The following GFPT1 variants were observed in gnomAD, a reference collection of about 807,000 sequenced individuals.
The protein encoded by GFPT1 is glutamine--fructose-6-phosphate aminotransferase [isomerizing] 1.
A neutral mutation model predicts 92.0 loss-of-function variants in GFPT1; 40 were observed. That is an observed-to-expected ratio of 0.43 (90% confidence interval 0.34 to 0.57). GFPT1 has a LOEUF of 0.57. Ranked by LOEUF, GFPT1 falls within the 20% of genes least tolerant of loss-of-function variation. The probability of loss-of-function intolerance (pLI) is 0.02; values close to 1 mark genes in which losing one functional copy is unlikely to be tolerated. For synonymous variants in GFPT1, 269 were observed against 280.6 expected (o/e 0.96, Z 0.41); for missense variants, 448 against 869.1 (o/e 0.52, Z 6.09).
In GFPT1 at chr2:69,319,885, T is replaced by C. The variant is rs565532016; in HGVS notation, c.*6304A>G. 1.3e-5 allele frequency: 2 copies of C among 152,202 alleles called. No individual in the cohort carries two copies. The highest frequency in any genetic ancestry group is 1.9e-4 in the East Asian group (1 of 5,178). The allele number at this position is 152,202 out of a possible 1,614,324, so 9.4% of individuals were successfully genotyped here. ...AAACAATTCTACATACAAAGTACAA[T>C]AGGAAAAAACCAAAAGCCCCCATAA... is the stretch of plus-strand genomic sequence containing the variant. On this transcript the variant is annotated 3_prime_UTR_variant, in exon 20 of 20. Transcript: ENST00000357308.
chr2:69,363,418 C>G (rs1391434705), intron 4 of GFPT1, 127 bp downstream of exon 4: 4 of 992,232 alleles, frequency 4.0e-6, no homozygotes, highest in Non-Finnish European at 6.2e-6. Context: ...ATGCTCTCTA[C>G]TACTTCTGAA....
rs1275703232 is a variant in GFPT1 at position 69,323,471 on chromosome 2, G to A, written c.*2718C>T. On this transcript the variant is annotated 3_prime_UTR_variant, in exon 20 of 20. Coordinates refer to ENST00000357308, the MANE Select transcript of GFPT1 (RefSeq NM_001244710.2). ...ATCACTACATCAAATGGGATAGAGA[G>A]TAAGAAGACAGGAGAGAGAGGAGAA... The A allele has an allele frequency of 6.6e-6, 1 of 152,108 alleles. No homozygotes were observed. The highest frequency in any genetic ancestry group is 1.5e-5 in the Non-Finnish European group (1 of 68,044). The allele number at this position is 152,108 out of a possible 1,614,324, so 9.4% of individuals were successfully genotyped here.
intron 15 of GFPT1, among the ~76,000 whole-genome samples, chr2:69,333,272 T>G (rs978523064): frequency 6.6e-6 from 1 of 152,226 alleles, no homozygotes. Context: ...AGTATTCCAG[T>G]TCCTGTAGCC....
intron 12 of GFPT1, 111 bp from the exon 13 acceptor site, chr2:69,342,360 A>G: frequency 1.3e-6 from 1 of 750,542 alleles, no homozygotes; most frequent in South Asian, 1.5e-5. Flanking sequence ...GCTGTTTTAA[A>G]GAATTAATAT....
At chr2:69,357,959 T>C (rs1224014345) in intron 6 of GFPT1, among the ~76,000 whole-genome samples, 1 of 152,216 alleles carries the variant, frequency 6.6e-6, no homozygotes, top group East Asian at 1.9e-4. Flanking sequence ...AAGTTATTGG[T>C]TGAGAAGAAC....
chr2:69,381,476 C>T (rs1339802575), intron 1 of GFPT1, among the ~76,000 whole-genome samples: 2 of 151,074 alleles, frequency 1.3e-5, no homozygotes, highest in African/African-American at 4.9e-5. Context: ...TATATAAATA[C>T]TTCTCATCCT....
At chr2:69,332,669 T>C (rs901266808) in intron 15 of GFPT1, among the ~76,000 whole-genome samples, 1 of 152,110 alleles carries the variant, frequency 6.6e-6, no homozygotes, top group African/African-American at 2.4e-5. Flanking sequence ...TTGAAAAACA[T>C]TTTTATGTTT....
chr2:69,380,001 G>A (rs1671969695), intron 1 of GFPT1, among the ~76,000 whole-genome samples: 1 of 151,962 alleles, frequency 6.6e-6, no homozygotes, highest in Non-Finnish European at 1.5e-5. Context: ...TTACAGGCAT[G>A]AGCCAATGCA....
At chr2:69,334,615 G>A (rs1339911552) in intron 15 of GFPT1, 2 of 152,274 alleles carry the variant, frequency 1.3e-5, no homozygotes, top group East Asian at 1.9e-4. Context: ...GTCCAATAGT[G>A]GGTCACTAGA....
intron 4 of GFPT1, 122 bp downstream of exon 4, chr2:69,363,423 T>A: frequency 1.9e-6 from 2 of 1,056,062 alleles, no homozygotes; most frequent in South Asian, 2.7e-5. Context: ...CTCTACTACT[T>A]CTGAATGTTT....
chr2:69,377,779 A>G (rs1671913050), intron 1 of GFPT1, among the ~76,000 whole-genome samples: 1 of 152,224 alleles, frequency 6.6e-6, no homozygotes, highest in Non-Finnish European at 1.5e-5. Flanking sequence ...TCAGTTTCAT[A>G]GCCCTGTCCC....
chr2:69,330,556 G>T, intron 15 of GFPT1, among the ~76,000 whole-genome samples: 1 of 136,624 alleles, frequency 7.3e-6, no homozygotes, highest in African/African-American at 2.7e-5. Flanking sequence ...CTCAATCCCA[G>T]TTTTATGTTT....
chr2:69,356,136 G>A (rs1047028349), intron 7 of GFPT1, among the ~76,000 whole-genome samples: 2 of 151,962 alleles, frequency 1.3e-5, no homozygotes, highest in Non-Finnish European at 2.9e-5. Flanking sequence ...TGGGATTACA[G>A]GCATGTGCTA....
chr2:69,350,020 T>C (rs1472902686), intron 10 of GFPT1, 58 bp downstream of exon 10: 7 of 1,140,870 alleles, frequency 6.1e-6, no homozygotes, highest in African/African-American at 1.5e-5. Flanking sequence ...CTTCTTGGGT[T>C]TCCTGCAGAA....
At chr2:69,386,545 AG>A (rs1672133102) in intron 1 of GFPT1, among the ~76,000 whole-genome samples, 1 of 152,250 alleles carries the variant, frequency 6.6e-6, no homozygotes, top group Non-Finnish European at 1.5e-5. Flanking sequence ...AAGGGATGGC[AG>A]GAAGTATCAC....
At chr2:69,328,187 A>C in intron 18 of GFPT1, 84 bp downstream of exon 18, 4 of 1,010,114 alleles carry the variant, frequency 4.0e-6, no homozygotes, top group Non-Finnish European at 6.3e-6. Context: ...TAACACGTGT[A>C]AACATGTTTT....
intron 13 of GFPT1, among the ~76,000 whole-genome samples, chr2:69,341,314 A>G (rs1670947319): frequency 6.6e-6 from 1 of 152,110 alleles, no homozygotes. Context: ...GTTTAGGACC[A>G]TATAATTTTG....
intron 15 of GFPT1, among the ~76,000 whole-genome samples, chr2:69,332,970 C>T (rs1397860856): frequency 1.3e-5 from 2 of 152,104 alleles, no homozygotes; most frequent in African/African-American, 4.8e-5. Context: ...GCTGGACTTC[C>T]CAGCCTCCAG....
chr2:69,381,966 C>T (rs1672023453), intron 1 of GFPT1, among the ~76,000 whole-genome samples: 1 of 151,730 alleles, frequency 6.6e-6, no homozygotes, highest in Non-Finnish European at 1.5e-5. Context: ...CAGGTCCAAG[C>T]ACTTCTCCTC....
Sources: gnomAD v4.1 joint callset for allele counts (sites outside exome capture counted in the v4.1 genomes callset) on GRCh38, gnomAD v4.1.1 for gene constraint, MANE v1.5 for transcripts, NCBI Gene and HGNC (gene_info 2026-07-23, HGNC 2026-07-21) for gene names.